Variants in CLECL1 observed in about 807,000 individuals in gnomAD.
The protein encoded by CLECL1 is C-type lectin-like domain family 1.
chr12:9,725,699 C>G (rs1157065446), intron 3 of CLECL1, among the ~76,000 whole-genome samples: 1 of 152,062 alleles, frequency 6.6e-6, no homozygotes, highest in Non-Finnish European at 1.5e-5. Context: ...AGAAACAACA[C>G]TGTTGTTTCT....
intron 3 of CLECL1, among the ~76,000 whole-genome samples, chr12:9,725,958 T>C (rs1866374122): frequency 1.3e-5 from 2 of 151,968 alleles, no homozygotes; most frequent in Admixed American, 6.6e-5. Context: ...TCAGTGAGCC[T>C]TTCATCAGTC....
upstream of CLECL1, chr12:9,733,429 T>G: frequency 1.8e-6 from 1 of 559,884 alleles, no homozygotes; most frequent in Non-Finnish European, 3.1e-6. Context: ...CAGCATCTTC[T>G]CCAAAGTAGG....
At chr12:9,727,835 T>G (rs1290562519) in intron 2 of CLECL1, among the ~76,000 whole-genome samples, 9 of 151,778 alleles carry the variant, frequency 5.9e-5, no homozygotes, top group Non-Finnish European at 1.2e-4. Flanking sequence ...TTTCCTAGAT[T>G]TAGAGTCTCT....
chr12:9,733,110 G>GGT (rs747782269), upstream of CLECL1: 32 of 1,564,942 alleles, frequency 2.0e-5, no homozygotes, highest in African/African-American at 1.8e-4. Context: ...AGAAACTTCT[G>GGT]ATAAGTAAAT....
the CLECL1 span, among the ~76,000 whole-genome samples, chr12:9,708,161 C>G: frequency 0.019 from 2,877 of 152,250 alleles, 91 homozygotes; most frequent in African/African-American, 0.064. Context: ...CATTCCCTCC[C>G]CTGGCCAAGG....
downstream of CLECL1, among the ~76,000 whole-genome samples, chr12:9,712,161 A>C (rs1866204929): frequency 1.3e-5 from 2 of 152,154 alleles, no homozygotes; most frequent in African/African-American, 2.4e-5. Flanking sequence ...TGCCAACCCA[A>C]ACTAAGCCAT....
At chr12:9,733,151 G>A, upstream of CLECL1, 2 of 1,614,046 alleles carry the variant, frequency 1.2e-6, no homozygotes, top group Non-Finnish European at 1.7e-6. Context: ...TGCTCCCCAA[G>A]TGGGTGGTGG....
chr12:9,733,970 G>A (rs1866485871), upstream of CLECL1, among the ~76,000 whole-genome samples: 1 of 152,192 alleles, frequency 6.6e-6, no homozygotes, highest in Non-Finnish European at 1.5e-5. Context: ...AGAGAAAAAT[G>A]CAGCCAACAC....
At chr12:9,728,909 C>T (rs1866412444) in intron 2 of CLECL1, among the ~76,000 whole-genome samples, 1 of 150,732 alleles carries the variant, frequency 6.6e-6, no homozygotes, top group Non-Finnish European at 1.5e-5. Flanking sequence ...TAATTACTAA[C>T]ATAATTCTCT....
chr12:9,716,553 A>G, exon 3 of CLECL1: 1 of 236,348 alleles, frequency 4.2e-6, no homozygotes, highest in Non-Finnish European at 8.5e-6. Context: ...TAACCTGGAA[A>G]TTGATTGTCT....
downstream of CLECL1, among the ~76,000 whole-genome samples, chr12:9,718,039 T>G (rs1353797940): frequency 3.3e-5 from 5 of 152,130 alleles, no homozygotes; most frequent in African/African-American, 9.7e-5. Flanking sequence ...TTTTAAAAAT[T>G]TCCCCTGATT....
chr12:9,703,850 C>G, the CLECL1 span, among the ~76,000 whole-genome samples: 1 of 151,834 alleles, frequency 6.6e-6, no homozygotes, highest in Non-Finnish European at 1.5e-5. Context: ...GAAATAGTCA[C>G]CTTTTGTCAA....
chr12:9,722,806 G>T (rs148708802), exon 4 of CLECL1: 1 of 1,603,290 alleles, frequency 6.2e-7, no homozygotes, highest in Non-Finnish European at 8.5e-7. Flanking sequence ...TAGAAAAGTT[G>T]AAAGAAACTG....
At chr12:9,718,988 G>A (rs376937588), downstream of CLECL1, among the ~76,000 whole-genome samples, 10 of 152,204 alleles carry the variant, frequency 6.6e-5, 1 homozygote, top group East Asian at 1.2e-3. Context: ...GTTTTTTTGT[G>A]TGTGTCTTTT....
chr12:9,732,056 G>T (rs1866453939), intron 1 of CLECL1, among the ~76,000 whole-genome samples: 1 of 152,034 alleles, frequency 6.6e-6, no homozygotes, highest in Admixed American at 6.6e-5. Flanking sequence ...AAATAGAGAG[G>T]TAAGGTTTAA....
intron 3 of CLECL1, among the ~76,000 whole-genome samples, chr12:9,725,912 A>C (rs1033394471): frequency 2.6e-5 from 4 of 152,062 alleles, no homozygotes; most frequent in African/African-American, 9.7e-5. Flanking sequence ...GATTCTAAGA[A>C]TAAGCTCTTG....
chr12:9,717,280 C>T (rs1025782460), intron 2 of CLECL1, among the ~76,000 whole-genome samples: 3 of 152,056 alleles, frequency 2.0e-5, no homozygotes, highest in East Asian at 3.9e-4. Context: ...CGTTGTGGCA[C>T]GCACCTATAA....
intron 1 of CLECL1, among the ~76,000 whole-genome samples, chr12:9,732,105 C>T (rs1866454738): frequency 6.6e-6 from 1 of 152,128 alleles, no homozygotes; most frequent in Middle Eastern, 3.2e-3. Flanking sequence ...GAAAAGGACA[C>T]ACACTAGATT....
At chr12:9,713,043 A>T (rs957441562), downstream of CLECL1, among the ~76,000 whole-genome samples, 1 of 152,334 alleles carries the variant, frequency 6.6e-6, no homozygotes, top group South Asian at 2.1e-4. Context: ...AGCTCCCCGA[A>T]TGCACAATTT....
Sources: gnomAD v4.1 joint callset for allele counts (sites outside exome capture counted in the v4.1 genomes callset) on GRCh38, gnomAD v4.1.1 for gene constraint, MANE v1.5 for transcripts, NCBI Gene and HGNC (gene_info 2026-07-23, HGNC 2026-07-21) for gene names.